Variants in PLPP3 observed in about 807,000 individuals in gnomAD.
PLPP3 encodes the protein PAP2 beta.
PLPP3 carries 6 observed loss-of-function variants against 29.6 expected under a neutral mutation model. The ratio of observed to expected loss-of-function variants is 0.20; its 90% CI spans 0.11 to 0.40. The LOEUF (loss-of-function observed/expected upper bound fraction) is 0.40, where lower values mean the gene tolerates loss of function less well. Among genes scored for constraint, PLPP3 ranks in the 10% least tolerant of loss-of-function variants. The pLI, the probability that PLPP3 is intolerant of heterozygous loss-of-function variation, is 1.00. For synonymous variants in PLPP3, 152 were observed against 159.7 expected, an observed-to-expected ratio of 0.95 and a Z score of 0.36; for missense variants, 308 against 407.7, an observed-to-expected ratio of 0.76 and a Z score of 2.11.
chr1:56,567,016 G>A (rs1646165671), intron 1 of PLPP3, among the ~76,000 whole-genome samples: 1 of 152,132 alleles, frequency 6.6e-6, no homozygotes, highest in Non-Finnish European at 1.5e-5. Flanking sequence ...ATATTGTAAA[G>A]CAGATCCCAG....
chr1:56,547,310 T>C (rs1646012223), intron 1 of PLPP3, among the ~76,000 whole-genome samples: 1 of 152,170 alleles, frequency 6.6e-6, no homozygotes, highest in Admixed American at 6.5e-5. Context: ...ACTGAATAAA[T>C]GCATAGGAAA....
At chr1:56,515,390 T>G (rs1645774522) in intron 4 of PLPP3, among the ~76,000 whole-genome samples, 1 of 152,126 alleles carries the variant, frequency 6.6e-6, no homozygotes, top group African/African-American at 2.4e-5. Flanking sequence ...ATCACAAGCC[T>G]TGGAAATCAA....
rs890023057 is a variant in PLPP3 at position 56,534,418 on chromosome 1, G to A, written c.297+2537C>T. On this transcript the variant is annotated intron_variant, in intron 2 of 5. Coordinates refer to ENST00000371250, the MANE Select transcript of PLPP3 (RefSeq NM_003713.5). ...CACTGGTCTCCTCCACTGCCATTCCGTTCCTTTGTTGTGGGGACCATCTGA... is the reference window on the plus strand; with the variant it reads ...CACTGGTCTCCTCCACTGCCATTCCATTCCTTTGTTGTGGGGACCATCTGA... 5.3e-5 allele frequency among the ~76,000 whole-genome samples: 8 copies of A among 152,204 alleles called. No individual in the cohort carries two copies. In the South Asian group the frequency reaches 1.0e-3, roughly 20 times the overall value.
intron 1 of PLPP3, among the ~76,000 whole-genome samples, chr1:56,537,931 G>C (rs1428306522): frequency 6.6e-6 from 1 of 152,120 alleles, no homozygotes; most frequent in East Asian, 1.9e-4. Context: ...ATGGCAAATG[G>C]ATTCCATCAC....
Position 56,524,504 on chromosome 1 carries a change from C to A in PLPP3, c.348G>T (p.Ser116=). 6.2e-7 allele frequency: 1 copy of A among 1,613,008 alleles called. No homozygotes were observed. Among genetic ancestry groups the A allele is most frequent in the South Asian group, 1.1e-5 (1 of 91,066 alleles). The change falls in exon 3 of 6, where the codon TCG becomes TCT. Residue 116 remains serine, a synonymous_variant. Coordinates refer to ENST00000371250, the MANE Select transcript of PLPP3 (RefSeq NM_003713.5). This position sits in a 1 kb window ranked among gnomAD's most constrained non-coding sequence, Gnocchi z 4.3. ...YRIYYLKKSR[S]TIQNPYVAAL... is the part of the protein sequence containing the mutation. ...CTGCCACGTAGGGGTTCTGAATCGT[C>A]GACCGCGACTTCTTCAGGTAATAGA...
At chr1:56,503,583 G>C (rs1456188160) in intron 5 of PLPP3, among the ~76,000 whole-genome samples, 1 of 152,074 alleles carries the variant, frequency 6.6e-6, no homozygotes, top group Non-Finnish European at 1.5e-5. Context: ...CAGCTACTTG[G>C]GAGACTGAGG....
intron 1 of PLPP3, among the ~76,000 whole-genome samples, chr1:56,539,524 C>A (rs1370648591): frequency 6.6e-6 from 1 of 152,184 alleles, no homozygotes; most frequent in Admixed American, 6.5e-5. Context: ...TTTACTTTAT[C>A]AAATTCATAC....
In PLPP3 at chr1:56,536,942, T is replaced by C; in HGVS notation, c.297+13A>G. 10 of 1,613,064 alleles carry C rather than the reference T, an allele frequency of 6.2e-6. No individual in the cohort carries two copies. Among genetic ancestry groups the C allele is most frequent in the Non-Finnish European group, 8.5e-6 (10 of 1,179,468 alleles). ...TCAGACAGGATCCACCATAGCAGAG[T>C]CTGGACACTTACCGCGAGGATGGCA... On this transcript the variant is annotated intron_variant, in intron 2 of 5. Transcript: ENST00000371250.
chr1:56,505,812 G>A (rs1645698566), intron 5 of PLPP3, among the ~76,000 whole-genome samples: 1 of 152,206 alleles, frequency 6.6e-6, no homozygotes, highest in Non-Finnish European at 1.5e-5. Flanking sequence ...GGAGTCAAAA[G>A]TTCTATTTGG....
rs184181064 is a variant in PLPP3, at chr1:56,499,759, A to G, written c.811-3083T>C. On this transcript the variant is annotated intron_variant, in intron 5 of 5. Coordinates refer to ENST00000371250, the MANE Select transcript of PLPP3 (RefSeq NM_003713.5). ...TACTGTCAAGACCGAAACAGGGTTC[A>G]GTCTTCCTAATATTTGAACAGCAGG... 1.9e-3 allele frequency among the ~76,000 whole-genome samples: 290 copies of G among 152,342 alleles called. 1 individual carries two copies. The highest frequency in any genetic ancestry group is 0.017 in the Middle Eastern group (5 of 294).
intron 2 of PLPP3, among the ~76,000 whole-genome samples, chr1:56,532,668 C>T (rs984779534): frequency 3.9e-5 from 6 of 152,114 alleles, no homozygotes; most frequent in African/African-American, 1.4e-4. Flanking sequence ...GACATTTTCC[C>T]CTGCTCTGTG....
intron 5 of PLPP3, 29 bp downstream of exon 5, chr1:56,511,947 T>C (rs772048929): frequency 5.0e-6 from 8 of 1,611,828 alleles, no homozygotes; most frequent in Admixed American, 1.7e-5. Context: ...AGGGCTCCAC[T>C]TGCATATTGA....
At position 56,524,463 on chromosome 1, in the gene PLPP3, A is replaced by G. The variant is rs1311430474; in HGVS notation, c.389T>C (p.Val130Ala). ...GGCACAGCCAAAGAGGAAGCAGCCC[A>G]CTTGCTTATAGAGTGCTGCCACGTA... Reference protein sequence around the residue: ...NPYVAALYKQVGCFLFGCAIS... With the variant: ...NPYVAALYKQAGCFLFGCAIS... The change falls in exon 3 of 6, where the codon GTG becomes GCG. Residue 130 changes from valine (V) to alanine (A), a missense_variant. Transcript: ENST00000371250. The surrounding 1 kb of genome is among the most constrained non-coding windows in gnomAD (Gnocchi z 4.3). The G allele has an allele frequency of 3.7e-6, 6 of 1,613,966 alleles. No individual in the cohort carries two copies. Among genetic ancestry groups the G allele is most frequent in the South Asian group, 1.1e-5 (1 of 91,088 alleles).
At chr1:56,537,713 T>C (rs1414930730) in intron 1 of PLPP3, among the ~76,000 whole-genome samples, 2 of 151,556 alleles carry the variant, frequency 1.3e-5, no homozygotes, top group Admixed American at 1.3e-4. Context: ...GCACAGTGCC[T>C]GGCACATAGT....
intron 1 of PLPP3, 132 bp from the exon 2 acceptor site, chr1:56,537,244 AT>A: frequency 9.7e-7 from 1 of 1,027,646 alleles, no homozygotes; most frequent in Non-Finnish European, 1.4e-6. Flanking sequence ...CGTTCCTTCC[AT>A]TTGTAGAGAT....
intron 1 of PLPP3, among the ~76,000 whole-genome samples, chr1:56,544,802 G>A (rs1645994510): frequency 1.3e-5 from 2 of 152,262 alleles, no homozygotes; most frequent in Non-Finnish European, 1.5e-5. Context: ...AAGTGGACAA[G>A]GGCAGAAACC....
chr1:56,512,082 A>G lies in PLPP3; in HGVS notation c.704T>C (p.Ile235Thr). 1 of 1,613,414 alleles carries G rather than the reference A, an allele frequency of 6.2e-7. No homozygotes were observed. The highest frequency in any genetic ancestry group is 8.5e-7 in the Non-Finnish European group (1 of 1,179,730). Reference protein sequence around the residue: ...LLRPLLQFTLIMMAFYTGLSR... With the variant: ...LLRPLLQFTLTMMAFYTGLSR... ...CAGTCCCGTGTAGAAGGCCATCATG[A>G]TCAAGGTGAACTGCAGGAGGGGCCG... The change falls in exon 5 of 6, where the codon ATC becomes ACC. Residue 235 changes from isoleucine (I) to threonine (T), a missense_variant. By Grantham distance (89) the Ile-to-Thr change is moderately conservative (BLOSUM62 -1). Coordinates refer to ENST00000371250, the MANE Select transcript of PLPP3 (RefSeq NM_003713.5).
intron 2 of PLPP3, among the ~76,000 whole-genome samples, chr1:56,526,636 G>A (rs1185044700): frequency 6.6e-6 from 1 of 152,172 alleles, no homozygotes; most frequent in Non-Finnish European, 1.5e-5. Context: ...GAGTCAAGTA[G>A]CCGAGGTTCA....
At chr1:56,549,348 A>G (rs1018463963) in intron 1 of PLPP3, among the ~76,000 whole-genome samples, 2 of 152,208 alleles carry the variant, frequency 1.3e-5, no homozygotes, top group East Asian at 1.9e-4. Context: ...GAAATGTCTG[A>G]TATCAGTAAG....
Sources: allele counts gnomAD v4.1 joint callset (sites outside exome capture counted in the v4.1 genomes callset), GRCh38; gene constraint gnomAD v4.1.1; non-coding constraint Gnocchi (gnomAD v3.1); transcripts MANE v1.5; gene names NCBI Gene and HGNC (gene_info 2026-07-23, HGNC 2026-07-21).